The following LRFN5 variants were observed in gnomAD, a reference collection of about 807,000 sequenced individuals.
LRFN5 encodes leucine rich repeat and fibronectin type III domain containing 5, also known as leucine-rich repeat and fibronectin type-III domain-containing protein 5.
In LRFN5, 24 loss-of-function variants were observed where a neutral mutation model predicts 45.6. The observed-to-expected ratio is 0.53, with a 90% CI of 0.38 to 0.74. The LOEUF (loss-of-function observed/expected upper bound fraction) is 0.74, where lower values mean the gene tolerates loss of function less well. Among genes scored for constraint, LRFN5 ranks in the 30% least tolerant of loss-of-function variants. The pLI is 0.00. For missense variants in LRFN5, 776 were observed against 861.5 expected (o/e 0.90, Z 1.24); for synonymous variants, 340 against 313.8 (o/e 1.08, Z -0.88).
At chr14:41,724,942 AT>A (rs1263929992) in intron 1 of LRFN5, among the ~76,000 whole-genome samples, 1 of 151,912 alleles carries the variant, frequency 6.6e-6, no homozygotes, top group African/African-American at 2.4e-5. Context: ...ATATTCCCTT[AT>A]TTTTTGTCCA....
chr14:41,824,616 G>A (rs1888231578), intron 2 of LRFN5, among the ~76,000 whole-genome samples: 1 of 152,174 alleles, frequency 6.6e-6, no homozygotes, highest in Non-Finnish European at 1.5e-5. Flanking sequence ...CTCCAGGCCA[G>A]TAGGTGGTGT....
At chr14:41,865,133 T>C (rs189819489) in intron 2 of LRFN5, among the ~76,000 whole-genome samples, 35 of 152,258 alleles carry the variant, frequency 2.3e-4, no homozygotes, top group African/African-American at 8.4e-4. Context: ...TCTAGTGTTT[T>C]TTAGTGTATT....
At position 41,771,382 on chromosome 14, in the gene LRFN5, T is replaced by C. The variant is rs187186764; in HGVS notation, c.-21+4353T>C. Among the ~76,000 whole-genome samples the C allele has an allele frequency of 2.4e-4, 36 of 152,120 alleles. No homozygotes were observed. In the East Asian group the frequency reaches 6.9e-3, roughly 29 times the overall value. ...GTTGCTCCATCGGTTCTTTATATTC[T>C]TTCTCTGTCACTTGGCCAGTTTGCA... On this transcript the variant is annotated intron_variant, in intron 2 of 5. Coordinates refer to ENST00000298119, the MANE Select transcript of LRFN5 (RefSeq NM_152447.5).
intron 2 of LRFN5, among the ~76,000 whole-genome samples, chr14:41,866,638 T>C (rs1174920470): frequency 1.3e-5 from 2 of 152,126 alleles, no homozygotes; most frequent in African/African-American, 4.8e-5. Context: ...TATATTATTA[T>C]ATAAGAAAGG....
intron 2 of LRFN5, among the ~76,000 whole-genome samples, chr14:41,879,122 C>A: frequency 6.6e-6 from 1 of 151,708 alleles, no homozygotes; most frequent in East Asian, 1.9e-4. Flanking sequence ...TCTAAATTAC[C>A]GTATCTGTAT....
intron 1 of LRFN5, among the ~76,000 whole-genome samples, chr14:41,752,935 T>A (rs1441101385): frequency 6.6e-6 from 1 of 152,196 alleles, no homozygotes; most frequent in Non-Finnish European, 1.5e-5. Context: ...GTTGAATTAA[T>A]TTTTGTATAA....
chr14:41,900,658 C>T (rs762434791), intron 5 of LRFN5, among the ~76,000 whole-genome samples: 3 of 152,204 alleles, frequency 2.0e-5, no homozygotes, highest in East Asian at 3.9e-4. Context: ...AGTGGCCATA[C>T]ATCACTCACT....
chr14:41,705,718 T>C (rs776099762), intron 1 of LRFN5, among the ~76,000 whole-genome samples: 5 of 152,238 alleles, frequency 3.3e-5, no homozygotes, highest in African/African-American at 7.2e-5. Flanking sequence ...ATTATGCTCA[T>C]ATGTCATTTA....
chr14:41,792,828 C>T (rs923099467), intron 2 of LRFN5, among the ~76,000 whole-genome samples: 4 of 151,946 alleles, frequency 2.6e-5, no homozygotes, highest in African/African-American at 9.7e-5. Context: ...GACCTATATC[C>T]TCAGCTTACA....
intron 1 of LRFN5, among the ~76,000 whole-genome samples, chr14:41,737,782 A>G (rs1884506354): frequency 6.6e-6 from 1 of 152,148 alleles, no homozygotes; most frequent in South Asian, 2.1e-4. Flanking sequence ...TAGGAATCCA[A>G]CTTACAAGGG....
At chr14:41,792,220 C>T (rs982883216) in intron 2 of LRFN5, among the ~76,000 whole-genome samples, 3 of 152,048 alleles carry the variant, frequency 2.0e-5, no homozygotes, top group Admixed American at 6.6e-5. Context: ...ACAAAGATCA[C>T]ATGCTTCAAA....
intron 1 of LRFN5, among the ~76,000 whole-genome samples, chr14:41,686,306 A>G (rs1163643616): frequency 6.6e-6 from 1 of 151,942 alleles, no homozygotes; most frequent in Non-Finnish European, 1.5e-5. Context: ...TGATTTTTGC[A>G]CATTGATTCT....
intron 2 of LRFN5, among the ~76,000 whole-genome samples, chr14:41,769,894 T>C (rs1886018177): frequency 6.6e-6 from 1 of 152,216 alleles, no homozygotes; most frequent in South Asian, 2.1e-4. Flanking sequence ...AACCATGTGT[T>C]AGTCCATTTT....
chr14:41,812,041 C>T (rs367787443), intron 2 of LRFN5, among the ~76,000 whole-genome samples: 6 of 151,844 alleles, frequency 4.0e-5, no homozygotes, highest in East Asian at 1.9e-4. Context: ...CAGCACAAAG[C>T]GTGAAAAGTT....
chr14:41,866,735 A>G (rs1305858860), intron 2 of LRFN5, among the ~76,000 whole-genome samples: 1 of 152,146 alleles, frequency 6.6e-6, no homozygotes, highest in African/African-American at 2.4e-5. Flanking sequence ...TTATAGAGAA[A>G]AATCACAGAA....
At chr14:41,884,574 G>C (rs1206232001) in intron 2 of LRFN5, among the ~76,000 whole-genome samples, 2 of 152,212 alleles carry the variant, frequency 1.3e-5, no homozygotes, top group East Asian at 1.9e-4. Flanking sequence ...TCGCAGGCTG[G>C]ACTGCTTATC....
At chr14:41,810,566 G>A (rs560874161) in intron 2 of LRFN5, among the ~76,000 whole-genome samples, 162 of 151,936 alleles carry the variant, frequency 1.1e-3, no homozygotes, top group African/African-American at 3.5e-3. Flanking sequence ...ATTGACTTAC[G>A]CAATATTTAC....
intron 1 of LRFN5, among the ~76,000 whole-genome samples, chr14:41,762,013 T>C (rs1566658241): frequency 6.6e-6 from 1 of 152,010 alleles, no homozygotes; most frequent in Non-Finnish European, 1.5e-5. Flanking sequence ...TTAGCATCTC[T>C]TTTTTGTATG....
At chr14:41,750,799 A>G (rs1885098739) in intron 1 of LRFN5, among the ~76,000 whole-genome samples, 2 of 152,110 alleles carry the variant, frequency 1.3e-5, no homozygotes, top group African/African-American at 4.8e-5. Context: ...GGCAGAAGAG[A>G]GCACACAGGG....
Sources: gnomAD v4.1 joint callset for allele counts (sites outside exome capture counted in the v4.1 genomes callset) on GRCh38, gnomAD v4.1.1 for gene constraint, MANE v1.5 for transcripts, NCBI Gene and HGNC (gene_info 2026-07-23, HGNC 2026-07-21) for gene names.